The following AHCTF1 variants were observed in gnomAD, a reference collection of about 807,000 sequenced individuals.
AHCTF1 encodes the protein protein ELYS.
Under a neutral mutation model 248.4 loss-of-function variants are expected in AHCTF1, and 24 were observed. The ratio of observed to expected loss-of-function variants is 0.10; its 90% CI spans 0.07 to 0.14. The LOEUF is 0.14. Among genes scored for constraint, AHCTF1 ranks in the 10% least tolerant of loss-of-function variants. AHCTF1 has a pLI of 1.00. For missense variants in AHCTF1, 2,206 were observed against 2,636.2 expected, an observed-to-expected ratio of 0.84 and a Z score of 3.57; for synonymous variants, 786 against 929.8, an observed-to-expected ratio of 0.85 and a Z score of 2.81.
intron 17 of AHCTF1, among the ~76,000 whole-genome samples, chr1:246,889,310 A>G (rs529610844): frequency 9.9e-5 from 15 of 152,158 alleles, no homozygotes; most frequent in African/African-American, 3.6e-4. Context: ...AATTGTGAAT[A>G]GCGGCAGCAC....
At chr1:246,891,954 C>T in intron 14 of AHCTF1, 35 bp from the exon 15 acceptor site, 1 of 1,556,262 alleles carries the variant, frequency 6.4e-7, no homozygotes, top group Non-Finnish European at 8.6e-7. Context: ...AGTTTCCATA[C>T]AGTAAATCTA....
chr1:246,873,522 TCA>T (rs1375614347), intron 24 of AHCTF1, among the ~76,000 whole-genome samples: 1 of 152,012 alleles, frequency 6.6e-6, no homozygotes, highest in African/African-American at 2.4e-5. Context: ...TTCTCCTGCA[TCA>T]CAGTGAAGGG....
intron 30 of AHCTF1, among the ~76,000 whole-genome samples, chr1:246,857,129 C>T (rs1027661021): frequency 1.3e-5 from 2 of 152,208 alleles, no homozygotes; most frequent in Non-Finnish European, 1.5e-5. Flanking sequence ...GTGCACTTAT[C>T]TATATTCCAA....
chr1:246,858,567 T>TTC (rs1661278017), intron 29 of AHCTF1, among the ~76,000 whole-genome samples: 2 of 152,114 alleles, frequency 1.3e-5, no homozygotes, highest in African/African-American at 4.8e-5. Context: ...CGGAGGCTCA[T>TTC]ACCTGTAATC....
Position 246,850,546 on chromosome 1 carries a change from C to T in AHCTF1, c.5460G>A (p.Gln1820=). The change falls in exon 33 of 36, where the codon CAG becomes CAA. Residue 1820 remains glutamine (Q), a synonymous_variant. Coordinates refer to ENST00000648844, the MANE Select transcript of AHCTF1 (RefSeq NM_001323342.2). ...CAGAACTGGTGTTTTCTAGTATGTCCTGATTAACTTCTTTCTTTCTCCTTC... is the reference window on the plus strand; with the variant it reads ...CAGAACTGGTGTTTTCTAGTATGTCTTGATTAACTTCTTTCTTTCTCCTTC... The part of the protein sequence containing the change: ...RRGRRKKEVN[Q]DILENTSSVE... The T allele has an allele frequency of 6.2e-7, 1 of 1,607,812 alleles. No individual in the cohort carries two copies. The highest frequency in any genetic ancestry group is 8.5e-7 in the Non-Finnish European group (1 of 1,176,862).
chr1:246,848,049 C>T (rs1400533882), intron 33 of AHCTF1, among the ~76,000 whole-genome samples: 1 of 152,180 alleles, frequency 6.6e-6, no homozygotes, highest in Admixed American at 6.5e-5. Context: ...TTTTCTAACA[C>T]TGTGAAGAAA....
intron 24 of AHCTF1, among the ~76,000 whole-genome samples, chr1:246,868,392 A>G (rs940424127): frequency 5.5e-5 from 8 of 146,120 alleles, no homozygotes; most frequent in Non-Finnish European, 1.2e-4. Context: ...AAGTGCTGGG[A>G]TTACAGGCGT....
At chr1:246,899,533 A>G in intron 10 of AHCTF1, 21 bp from the exon 11 acceptor site, 1 of 1,589,206 alleles carries the variant, frequency 6.3e-7, no homozygotes, top group African/African-American at 1.3e-5. Context: ...GATTTAAAAA[A>G]TAATCCACTT....
intron 12 of AHCTF1, among the ~76,000 whole-genome samples, chr1:246,896,311 C>T (rs1305098098): frequency 1.3e-5 from 2 of 152,138 alleles, no homozygotes; most frequent in Non-Finnish European, 2.9e-5. Flanking sequence ...GTGGAAACAA[C>T]ACAAATGCCC....
chr1:246,870,874 A>G (rs1251917732), intron 24 of AHCTF1, among the ~76,000 whole-genome samples: 2 of 152,156 alleles, frequency 1.3e-5, no homozygotes, highest in African/African-American at 4.8e-5. Flanking sequence ...TAAATTCCCA[A>G]TTCGGGTATT....
intron 14 of AHCTF1, among the ~76,000 whole-genome samples, chr1:246,892,560 A>T (rs1274698409): frequency 6.6e-6 from 1 of 151,878 alleles, no homozygotes. Flanking sequence ...ACCTCAGGTG[A>T]TCCGCCCGCC....
At chr1:246,888,336 G>A in intron 18 of AHCTF1, 58 bp downstream of exon 18, 1 of 1,612,136 alleles carries the variant, frequency 6.2e-7, no homozygotes, top group Non-Finnish European at 8.5e-7. Flanking sequence ...AGCTAAGCAT[G>A]TCTCCTCCCT....
chr1:246,900,931 G>A (rs1175918099), intron 8 of AHCTF1, among the ~76,000 whole-genome samples: 1 of 152,284 alleles, frequency 6.6e-6, no homozygotes, highest in East Asian at 1.9e-4. Context: ...AAAGAAAAGT[G>A]CTTGGATGGT....
At chr1:246,922,778 C>A (rs188628781) in intron 1 of AHCTF1, among the ~76,000 whole-genome samples, 2 of 150,144 alleles carry the variant, frequency 1.3e-5, no homozygotes, top group African/African-American at 4.9e-5. Context: ...GTCAGGAGAT[C>A]GAGACCATCC....
At chr1:246,896,162 T>C (rs562369179) in intron 12 of AHCTF1, among the ~76,000 whole-genome samples, 2 of 152,102 alleles carry the variant, frequency 1.3e-5, no homozygotes, top group Non-Finnish European at 2.9e-5. Context: ...AGTTTGGCGG[T>C]TTCTCAGTAT....
At chr1:246,872,538 T>C (rs1351303563) in intron 24 of AHCTF1, among the ~76,000 whole-genome samples, 2 of 152,140 alleles carry the variant, frequency 1.3e-5, no homozygotes, top group Non-Finnish European at 2.9e-5. Context: ...CAAAGTTACT[T>C]AGGGGGTGTC....
intron 26 of AHCTF1, 32 bp from the exon 27 acceptor site, chr1:246,864,148 A>T: frequency 6.3e-7 from 1 of 1,591,222 alleles, no homozygotes; most frequent in Non-Finnish European, 8.6e-7. Context: ...ATTGAGTTAT[A>T]CTGAAAAAAC....
intron 1 of AHCTF1, among the ~76,000 whole-genome samples, chr1:246,925,323 T>A (rs574793164): frequency 1.8e-4 from 28 of 152,328 alleles, no homozygotes; most frequent in African/African-American, 6.0e-4. Context: ...GTCCAAAGGA[T>A]AACACACAAA....
chr1:246,879,930 G>A (rs751758088), intron 21 of AHCTF1, among the ~76,000 whole-genome samples: 8 of 152,094 alleles, frequency 5.3e-5, no homozygotes, highest in Non-Finnish European at 1.0e-4. Flanking sequence ...AATCCTTTAT[G>A]TAATTATAAA....
Sources: allele counts gnomAD v4.1 joint callset (sites outside exome capture counted in the v4.1 genomes callset), GRCh38; gene constraint gnomAD v4.1.1; transcripts MANE v1.5; gene names NCBI Gene and HGNC (gene_info 2026-07-23, HGNC 2026-07-21).